Variants in HNRNPC observed in about 807,000 individuals in gnomAD.
The protein encoded by HNRNPC is heterogeneous nuclear ribonucleoprotein C.
In HNRNPC, 3 loss-of-function variants were observed where a neutral mutation model predicts 33.2. The ratio of observed to expected loss-of-function variants is 0.09; its 90% CI spans 0.04 to 0.23. The LOEUF is 0.23. Ranked by LOEUF, HNRNPC falls within the 10% of genes least tolerant of loss-of-function variation. The probability of loss-of-function intolerance (pLI) is 1.00; values close to 1 mark genes in which losing one functional copy is unlikely to be tolerated. For synonymous variants in HNRNPC, 121 were observed against 126.7 expected, an observed-to-expected ratio of 0.96 and a Z score of 0.30; for missense variants, 143 against 366.7, an observed-to-expected ratio of 0.39 and a Z score of 4.98.
At chr14:21,249,474 C>T (rs1896369162) in intron 2 of HNRNPC, among the ~76,000 whole-genome samples, 1 of 150,446 alleles carries the variant, frequency 6.6e-6, no homozygotes, top group Admixed American at 6.7e-5. Context: ...GTAATCCCAG[C>T]TACTTGGGAG....
intron 6 of HNRNPC, 35 bp downstream of exon 6, chr14:21,212,923 AAG>A: frequency 6.2e-7 from 1 of 1,609,934 alleles, no homozygotes; most frequent in Non-Finnish European, 8.5e-7. Context: ...CTCAAAACAC[AAG>A]AGATACCAAA....
At chr14:21,247,243 C>G (rs183330433) in intron 2 of HNRNPC, among the ~76,000 whole-genome samples, 9 of 152,258 alleles carry the variant, frequency 5.9e-5, no homozygotes, top group Non-Finnish European at 5.9e-5. Flanking sequence ...TCCTCTTCTA[C>G]CTAGTTCATA....
At chr14:21,228,269 G>C (rs1471958290) in intron 5 of HNRNPC, among the ~76,000 whole-genome samples, 1 of 152,140 alleles carries the variant, frequency 6.6e-6, no homozygotes, top group African/African-American at 2.4e-5. Context: ...ATATCCTACT[G>C]CATTAGGTCA....
At chr14:21,258,423 C>A (rs1474608383) in intron 2 of HNRNPC, among the ~76,000 whole-genome samples, 1 of 151,788 alleles carries the variant, frequency 6.6e-6, no homozygotes, top group Non-Finnish European at 1.5e-5. Flanking sequence ...ATCAAAGTGA[C>A]GAAAGGAGTC....
At chr14:21,260,037 A>C (rs1427618207) in intron 2 of HNRNPC, among the ~76,000 whole-genome samples, 1 of 149,086 alleles carries the variant, frequency 6.7e-6, no homozygotes, top group Non-Finnish European at 1.5e-5. Context: ...GTCTCTACTA[A>C]ACATACAAAA....
chr14:21,211,346 C>A (rs756270993), intron 8 of HNRNPC, 40 bp from the exon 9 acceptor site: 2 of 1,613,480 alleles, frequency 1.2e-6, no homozygotes, highest in South Asian at 1.1e-5. Flanking sequence ...GTTAGAGGCA[C>A]TCCATGTGTC....
At chr14:21,229,903 T>G (rs1253817968) in intron 5 of HNRNPC, among the ~76,000 whole-genome samples, 1 of 152,194 alleles carries the variant, frequency 6.6e-6, no homozygotes, top group Non-Finnish European at 1.5e-5. Context: ...ACAAGCCAAA[T>G]AAGTCTTAAC....
intron 5 of HNRNPC, among the ~76,000 whole-genome samples, chr14:21,220,564 T>C (rs930563046): frequency 1.3e-5 from 2 of 152,192 alleles, no homozygotes; most frequent in Non-Finnish European, 2.9e-5. Context: ...CTATATACAA[T>C]GCCTCACAGC....
At chr14:21,218,400 T>C (rs1008161027) in intron 5 of HNRNPC, among the ~76,000 whole-genome samples, 7 of 152,108 alleles carry the variant, frequency 4.6e-5, no homozygotes, top group Non-Finnish European at 8.8e-5. Context: ...AAAACTAAAA[T>C]TGAGGCTGGG....
rs200382733 is a variant in HNRNPC, at chr14:21,211,395, G to C, written c.798+11C>G. The C allele has an allele frequency of 4.9e-5, 77 of 1,583,900 alleles. No individual in the cohort carries two copies. In the African/African-American group the frequency reaches 1.0e-3, roughly 21 times the overall value. On this transcript the variant is annotated intron_variant, in intron 8 of 8. Transcript: ENST00000553300. ...CCACCACCTTTTTCTTTCCTTTCCC[G>C]TGGTTTTCACCTGGTCATCCCCCCG...
rs531879200 is a variant in HNRNPC, at chr14:21,251,122, A to G, written c.-37+12189T>C. ...TGAAAACACAAAAAATTAGCCGGGC[A>G]TGGTGGAGGGCGCCTGTAGTCCTGG... On this transcript the variant is annotated intron_variant, in intron 2 of 8. Coordinates refer to ENST00000553300, the MANE Select transcript of HNRNPC (RefSeq NM_004500.4). Among the ~76,000 whole-genome samples, 83 of 151,932 alleles carry G rather than the reference A, an allele frequency of 5.5e-4. 1 individual carries two copies. Among genetic ancestry groups the G allele is most frequent in the South Asian group, 5.0e-3 (24 of 4,806 alleles).
chr14:21,211,767 C>T, intron 7 of HNRNPC, 43 bp downstream of exon 7: 1 of 1,554,368 alleles, frequency 6.4e-7, no homozygotes, highest in Non-Finnish European at 8.9e-7. Flanking sequence ...CCTTATGTAA[C>T]TAACCCAACT....
At chr14:21,253,406 G>A (rs1474234902) in intron 2 of HNRNPC, among the ~76,000 whole-genome samples, 5 of 146,092 alleles carry the variant, frequency 3.4e-5, no homozygotes, top group South Asian at 2.2e-4. Context: ...CCCAGGAGGC[G>A]GAGCTTGCAG....
intron 2 of HNRNPC, among the ~76,000 whole-genome samples, chr14:21,246,566 C>CA (rs78962636): frequency 0.16 from 14,889 of 93,362 alleles, 1,189 homozygotes; most frequent in Admixed American, 0.29. Context: ...GACTCCGTCT[C>CA]AAAAAAAAAA....
chr14:21,245,942 T>G (rs1029077187), intron 2 of HNRNPC, among the ~76,000 whole-genome samples: 11 of 151,874 alleles, frequency 7.2e-5, no homozygotes, highest in African/African-American at 2.7e-4. Context: ...ACCTCCCAGG[T>G]TCAAGCGATT....
At chr14:21,247,716 G>A (rs1896142578) in intron 2 of HNRNPC, among the ~76,000 whole-genome samples, 1 of 151,846 alleles carries the variant, frequency 6.6e-6, no homozygotes, top group South Asian at 2.1e-4. Flanking sequence ...TTGGGAGGTT[G>A]AGGCCAGTGG....
intron 3 of HNRNPC, 96 bp from the exon 4 acceptor site, chr14:21,231,168 T>C: frequency 8.0e-7 from 1 of 1,251,846 alleles, no homozygotes; most frequent in Non-Finnish European, 1.1e-6. Context: ...ATAGTTTCGC[T>C]TTCTCGCTCA....
At chr14:21,265,297 A>C (rs904878166) in intron 1 of HNRNPC, 1 of 152,228 alleles carries the variant, frequency 6.6e-6, no homozygotes, top group Non-Finnish European at 1.5e-5. Context: ...CAAACCTGGT[A>C]ATCAATTTTC....
chr14:21,240,972 T>C (rs1895269398), intron 2 of HNRNPC, among the ~76,000 whole-genome samples: 1 of 152,070 alleles, frequency 6.6e-6, no homozygotes, highest in Non-Finnish European at 1.5e-5. Flanking sequence ...TATTACTGTA[T>C]CTTAAAACCT....
Sources: allele counts gnomAD v4.1 joint callset (sites outside exome capture counted in the v4.1 genomes callset), GRCh38; gene constraint gnomAD v4.1.1; transcripts MANE v1.5; gene names NCBI Gene and HGNC (gene_info 2026-07-23, HGNC 2026-07-21).